Variants in DOCK9 observed in about 807,000 individuals in gnomAD.
DOCK9 encodes dedicator of cytokinesis protein 9.
DOCK9 carries 89 observed loss-of-function variants against 263.3 expected under a neutral mutation model. That is an observed-to-expected ratio of 0.34 (90% CI 0.28 to 0.40). The LOEUF (loss-of-function observed/expected upper bound fraction) is 0.40. DOCK9 is among the 10% of genes least tolerant of loss of function. The pLI is 1.00. For synonymous variants in DOCK9, 976 were observed against 973.1 expected (o/e 1.00, Z -0.06); for missense variants, 2,140 against 2,603.4 (o/e 0.82, Z 3.87).
At chr13:99,038,208 C>T (rs1888087115) in intron 1 of DOCK9, among the ~76,000 whole-genome samples, 1 of 150,002 alleles carries the variant, frequency 6.7e-6, no homozygotes, top group South Asian at 2.1e-4. Context: ...TCTATTCAGA[C>T]TCTAAAGTTA....
intron 18 of DOCK9, among the ~76,000 whole-genome samples, chr13:98,887,615 C>CAAAAAAAA (rs58976892): frequency 1.6e-4 from 6 of 37,216 alleles, no homozygotes; most frequent in Admixed American, 4.8e-4. Context: ...GACTCCATCT[C>CAAAAAAAA]AAAAAAAAAA....
At chr13:99,032,053 G>C (rs982669299) in intron 1 of DOCK9, among the ~76,000 whole-genome samples, 4 of 152,194 alleles carry the variant, frequency 2.6e-5, no homozygotes, top group African/African-American at 9.7e-5. Flanking sequence ...ATTTCCTGGG[G>C]AGAACTAATG....
rs970425130 is a variant in DOCK9, at chr13:98,810,195, T to C, written c.5227A>G (p.Ile1743Val). ...IADIYKLIIP[I>V]YEKRRDFERL... ...TCAAAATCCCTCCGCTTCTCATAAA[T>C]GGGGATGATAAGTTTGTAGATGTCG... The change falls in exon 46 of 53, where the codon ATT becomes GTT. Residue 1743 changes from isoleucine (I) to valine (V), a missense_variant. Ile to Val is a conservative substitution (Grantham distance 29). This residue lies in a region of DOCK9 where 619 missense variants were observed against 861.8 expected (regional missense o/e 0.72). Transcript: ENST00000682017. 3.1e-6 allele frequency: 5 copies of C among 1,613,764 alleles called. No individual in the cohort carries two copies. In the Admixed American group the frequency reaches 5.0e-5, roughly 16 times the overall value.
chr13:99,057,974 A>G (rs2041004471), intron 1 of DOCK9, among the ~76,000 whole-genome samples: 1 of 152,196 alleles, frequency 6.6e-6, no homozygotes, highest in African/African-American at 2.4e-5. Flanking sequence ...GAATAATTAC[A>G]TAACTTTTAT....
At chr13:99,080,820 C>T (rs1201963820) in intron 1 of DOCK9, among the ~76,000 whole-genome samples, 3 of 152,194 alleles carry the variant, frequency 2.0e-5, no homozygotes, top group South Asian at 4.2e-4. Context: ...GTGACTGACC[C>T]GTCCACCTGT....
chr13:98,908,674 T>C (rs914113291), intron 9 of DOCK9, among the ~76,000 whole-genome samples: 1 of 152,188 alleles, frequency 6.6e-6, no homozygotes, highest in Non-Finnish European at 1.5e-5. Context: ...CTTAAAAACC[T>C]TACATATGTT....
At chr13:99,028,905 G>C (rs1462978535) in intron 1 of DOCK9, among the ~76,000 whole-genome samples, 1 of 152,146 alleles carries the variant, frequency 6.6e-6, no homozygotes, top group Non-Finnish European at 1.5e-5. Context: ...ATATTCAAAG[G>C]GGTAGGCTGG....
intron 29 of DOCK9, 63 bp from the exon 30 acceptor site, chr13:98,867,599 A>C (rs1487125952): frequency 1.9e-6 from 2 of 1,077,746 alleles, no homozygotes; most frequent in East Asian, 2.4e-5. Flanking sequence ...ATTCTAAAAA[A>C]CCTATTAGCA....
intron 1 of DOCK9, among the ~76,000 whole-genome samples, chr13:99,036,361 C>G (rs1234537511): frequency 6.6e-6 from 1 of 152,026 alleles, no homozygotes; most frequent in East Asian, 1.9e-4. Context: ...AAAGAAGAGG[C>G]CAGAGAGCTT....
At chr13:98,894,011 A>C (rs2047016212) in intron 15 of DOCK9, among the ~76,000 whole-genome samples, 2 of 152,190 alleles carry the variant, frequency 1.3e-5, no homozygotes, top group East Asian at 3.9e-4. Flanking sequence ...AGTGGTGTGC[A>C]GAAGAGAACT....
At chr13:98,957,677 T>C (rs1165613035) in intron 1 of DOCK9, among the ~76,000 whole-genome samples, 1 of 151,998 alleles carries the variant, frequency 6.6e-6, no homozygotes, top group African/African-American at 2.4e-5. Context: ...TCATACTGCA[T>C]AGAGTAACCA....
At chr13:98,916,698 CA>C (rs1412785486) in intron 7 of DOCK9, among the ~76,000 whole-genome samples, 1 of 152,156 alleles carries the variant, frequency 6.6e-6, no homozygotes, top group Non-Finnish European at 1.5e-5. Flanking sequence ...GGGAAGAAGT[CA>C]AAGGCTTGAA....
At chr13:98,796,294 G>T in intron 52 of DOCK9, 2 of 1,162,830 alleles carry the variant, frequency 1.7e-6, no homozygotes, top group Non-Finnish European at 2.5e-6. Flanking sequence ...CAATGAAAAT[G>T]TACTAACTAA....
chr13:98,816,301 A>C (rs2091845098), intron 45 of DOCK9, among the ~76,000 whole-genome samples: 2 of 152,150 alleles, frequency 1.3e-5, no homozygotes, highest in African/African-American at 4.8e-5. Flanking sequence ...GATGTACTAG[A>C]GACTCAAGAC....
At chr13:98,991,078 CT>C (rs35085681) in intron 1 of DOCK9, among the ~76,000 whole-genome samples, 18 of 148,298 alleles carry the variant, frequency 1.2e-4, no homozygotes, top group Admixed American at 1.3e-4. Flanking sequence ...CAAGTAATTT[CT>C]TTTTTTTTTT....
chr13:98,966,269 C>T (rs1358425336), intron 1 of DOCK9, among the ~76,000 whole-genome samples: 1 of 152,192 alleles, frequency 6.6e-6, no homozygotes, highest in Non-Finnish European at 1.5e-5. Flanking sequence ...CTTCTCCCTA[C>T]CCTGATACCG....
At chr13:98,991,123 G>C (rs1474035024) in intron 1 of DOCK9, among the ~76,000 whole-genome samples, 1 of 151,818 alleles carries the variant, frequency 6.6e-6, no homozygotes, top group Admixed American at 6.6e-5. Context: ...CCAGGCTGGA[G>C]TGCAGTGGCA....
In DOCK9 at chr13:98,922,031, A is replaced by G; in HGVS notation, c.582+20T>C. 1 of 1,562,624 alleles carries G rather than the reference A, an allele frequency of 6.4e-7. No individual in the cohort carries two copies. Among genetic ancestry groups the G allele is most frequent in the Non-Finnish European group, 8.7e-7 (1 of 1,148,908 alleles). The stretch of plus-strand genomic sequence containing the variant: ...GAAAGGGCTTGTGAGAGGGGAGGGC[A>G]AAGTGATGTGCGTCCTCACCCTCAT... On this transcript the variant is annotated intron_variant, in intron 6 of 52. Transcript: ENST00000682017.
chr13:98,933,159 A>G (rs2054234247), intron 2 of DOCK9, among the ~76,000 whole-genome samples: 2 of 152,230 alleles, frequency 1.3e-5, no homozygotes, highest in South Asian at 2.1e-4. Flanking sequence ...AATAGCTCAC[A>G]TCAAGAAATA....
Sources: gnomAD v4.1 joint callset for allele counts (sites outside exome capture counted in the v4.1 genomes callset) on GRCh38, gnomAD v4.1.1 for gene constraint, gnomAD v4.1.1 regional missense constraint, MANE v1.5 for transcripts, NCBI Gene and HGNC (gene_info 2026-07-23, HGNC 2026-07-21) for gene names.